PCDHA1: variants seen among roughly 807,000 people sequenced by gnomAD.
PCDHA1 encodes protocadherin alpha 1.
PCDHA1 carries 42 observed loss-of-function variants against 61.3 expected under a neutral mutation model. The ratio of observed to expected loss-of-function variants is 0.69; its 90% CI spans 0.54 to 0.89. The LOEUF (loss-of-function observed/expected upper bound fraction) is 0.89, where lower values mean the gene tolerates loss of function less well. Among genes scored for constraint, PCDHA1 ranks in the 40% least tolerant of loss-of-function variants. PCDHA1 has a pLI of 0.00. For missense variants in PCDHA1, 1,256 were observed against 1,235.3 expected, an observed-to-expected ratio of 1.02 and a Z score of -0.25; for synonymous variants, 610 against 553.8, an observed-to-expected ratio of 1.10 and a Z score of -1.43.
chr5:140,797,025 G>A (rs570047063), intron 1 of PCDHA1: 41 of 1,613,580 alleles, frequency 2.5e-5, no homozygotes, highest in East Asian at 4.5e-5. Flanking sequence ...TGGGCGCCGC[G>A]GGCTCAGAGG....
chr5:140,853,046 T>G (rs546337330), intron 1 of PCDHA1: 2 of 266,574 alleles, frequency 7.5e-6, no homozygotes, highest in Non-Finnish European at 1.2e-5. Flanking sequence ...GCCCGCCTAA[T>G]TTTTTTGTAT....
At chr5:140,854,577 T>A (rs1402971625) in intron 1 of PCDHA1, 1 of 149,930 alleles carries the variant, frequency 6.7e-6, no homozygotes, top group African/African-American at 2.4e-5. Context: ...TCATTCAGAT[T>A]TTAATAAAAA....
chr5:140,822,151 A>T, intron 1 of PCDHA1: 3 of 1,614,248 alleles, frequency 1.9e-6, no homozygotes, highest in Non-Finnish European at 2.5e-6. Flanking sequence ...GAAGGACATC[A>T]ATGACAATCC....
intron 1 of PCDHA1, chr5:140,794,874 A>T (rs1761889938): frequency 7.3e-7 from 1 of 1,365,774 alleles, no homozygotes; most frequent in Non-Finnish European, 1.0e-6. Flanking sequence ...CGGAGGAATA[A>T]GAGAAGCAGC....
At chr5:140,893,608 T>C (rs2064082274) in intron 1 of PCDHA1, among the ~76,000 whole-genome samples, 1 of 152,256 alleles carries the variant, frequency 6.6e-6, no homozygotes, top group African/African-American at 2.4e-5. Flanking sequence ...TTCTCCTTCA[T>C]TTCTGAAGTA....
At chr5:140,795,124 C>T (rs1761919084) in intron 1 of PCDHA1, 2 of 1,614,036 alleles carry the variant, frequency 1.2e-6, no homozygotes, top group East Asian at 4.5e-5. Flanking sequence ...GGACCTGGGG[C>T]TGGAGCTGGA....
chr5:140,903,275 T>A (rs1313552617), intron 1 of PCDHA1, among the ~76,000 whole-genome samples: 1 of 152,210 alleles, frequency 6.6e-6, no homozygotes, highest in East Asian at 1.9e-4. Flanking sequence ...TGAGGTAGTG[T>A]CTCATTGTGC....
chr5:140,853,782 G>C (rs555382075), intron 1 of PCDHA1: 1 of 987,688 alleles, frequency 1.0e-6, no homozygotes, highest in Non-Finnish European at 1.2e-6. Context: ...TGGGTAGTAA[G>C]AGCAAATTTT....
intron 1 of PCDHA1, chr5:140,876,139 A>G (rs1554168285): frequency 6.2e-7 from 1 of 1,613,960 alleles, no homozygotes; most frequent in South Asian, 1.1e-5. Context: ...ACCAGAACTA[A>G]CAGGGTCTGT....
rs782677776 is a variant in PCDHA1, at chr5:140,803,142, G to A, written c.2394+14458G>A. ...GGACGCCCCGCGCCATCGCCTACTG[G>A]TGCTGGTGAAGGACCACGGTGAACC... On this transcript the variant is annotated intron_variant, in intron 1 of 3. Coordinates refer to ENST00000504120, the MANE Select transcript of PCDHA1 (RefSeq NM_018900.4). The A allele has an allele frequency of 1.2e-5, 20 of 1,613,762 alleles. No individual in the cohort carries two copies. The Middle Eastern group carries it at 8.2e-4, about 66-fold the overall frequency.
chr5:140,788,417 C>T lies in PCDHA1; in HGVS notation c.2127C>T (p.Ser709=). The T allele has an allele frequency of 6.2e-7, 1 of 1,614,114 alleles. No individual in the cohort carries two copies. The highest frequency in any genetic ancestry group is 2.2e-5 in the East Asian group (1 of 44,870). ...YLIIAICAVS[S]LLVLTLLLYT... is the part of the protein sequence containing the mutation. ...TCATCGCCATCTGCGCGGTGTCCAGCCTGCTGGTGCTCACACTGCTGCTGT... is the reference window on the plus strand; with the variant it reads ...TCATCGCCATCTGCGCGGTGTCCAGTCTGCTGGTGCTCACACTGCTGCTGT... The change falls in exon 1 of 4, where the codon AGC becomes AGT. Residue 709 remains serine (S), a synonymous_variant. Coordinates refer to ENST00000504120, the MANE Select transcript of PCDHA1 (RefSeq NM_018900.4).
intron 1 of PCDHA1, among the ~76,000 whole-genome samples, chr5:140,885,916 T>C (rs2060771663): frequency 1.3e-5 from 2 of 152,202 alleles, no homozygotes; most frequent in Admixed American, 1.3e-4. Flanking sequence ...CTTATAGATA[T>C]TAACTGTTTA....
chr5:140,821,069 T>C (rs2150108621), intron 1 of PCDHA1, among the ~76,000 whole-genome samples: 339 of 152,212 alleles, frequency 2.2e-3, no homozygotes, highest in Admixed American at 4.4e-3. Context: ...AAAATAGTTT[T>C]AGTTGTTTTT....
chr5:140,795,676 A>C (rs1554119530), intron 1 of PCDHA1: 1 of 1,614,032 alleles, frequency 6.2e-7, no homozygotes, highest in East Asian at 2.2e-5. Flanking sequence ...TGTAAATGAC[A>C]ATGAACCAAC....
At chr5:140,878,098 A>C in intron 1 of PCDHA1, 1 of 278,310 alleles carries the variant, frequency 3.6e-6, no homozygotes, top group Non-Finnish European at 6.4e-6. Flanking sequence ...TGACTGATGA[A>C]CCTTGAAAAA....
intron 1 of PCDHA1, among the ~76,000 whole-genome samples, chr5:140,925,793 A>G (rs1261267937): frequency 6.6e-6 from 1 of 152,074 alleles, no homozygotes; most frequent in African/African-American, 2.4e-5. Context: ...GTATCTCAGT[A>G]CTTTCCCCTC....
chr5:140,803,479 G>A (rs782674659), intron 1 of PCDHA1: 1 of 1,614,230 alleles, frequency 6.2e-7, no homozygotes, highest in Non-Finnish European at 8.5e-7. Flanking sequence ...GTGTGCTCTG[G>A]AGAGGGGTTG....
intron 1 of PCDHA1, chr5:140,884,069 T>A (rs2059977023): frequency 6.2e-7 from 1 of 1,613,394 alleles, no homozygotes; most frequent in Non-Finnish European, 8.5e-7. Flanking sequence ...GGACGCCGAT[T>A]CGGGCTACAA....
chr5:140,883,946 G>C lies in PCDHA1; in HGVS notation c.2395-95003G>C, dbSNP rs139225969. ...GCAGGTGTTCGTGCTGGACGAGAACGACAACGCTCCGGCGCTGCTGACGCC... is the reference window on the plus strand; with the variant it reads ...GCAGGTGTTCGTGCTGGACGAGAACCACAACGCTCCGGCGCTGCTGACGCC... On this transcript the variant is annotated intron_variant, in intron 1 of 3. Coordinates refer to ENST00000504120, the MANE Select transcript of PCDHA1 (RefSeq NM_018900.4). The C allele has an allele frequency of 4.8e-5, 77 of 1,613,392 alleles. No individual in the cohort carries two copies. In the African/African-American group the frequency reaches 8.8e-4, roughly 18 times the overall value.
Sources: gnomAD v4.1 joint callset for allele counts (sites outside exome capture counted in the v4.1 genomes callset) on GRCh38, gnomAD v4.1.1 for gene constraint, MANE v1.5 for transcripts, NCBI Gene and HGNC (gene_info 2026-07-23, HGNC 2026-07-21) for gene names.